The following UNC80 variants were observed in gnomAD, a reference collection of about 807,000 sequenced individuals.
UNC80 encodes unc-80 subunit of NALCN channel complex.
UNC80 carries 164 observed loss-of-function variants against 384.6 expected under a neutral mutation model. The observed-to-expected ratio is 0.43, with a 90% CI of 0.38 to 0.49. The LOEUF (loss-of-function observed/expected upper bound fraction) is 0.49, where lower values mean the gene tolerates loss of function less well. Ranked by LOEUF, UNC80 falls within the 20% of genes least tolerant of loss-of-function variation. The probability of loss-of-function intolerance (pLI) is 0.00; values close to 1 mark genes in which losing one functional copy is unlikely to be tolerated. For missense variants in UNC80, 3,330 were observed against 4,143.0 expected (o/e 0.80, Z 5.39); for synonymous variants, 1,486 against 1,527.8 (o/e 0.97, Z 0.64).
At chr2:209,972,136 TA>T in intron 54 of UNC80, 64 bp from the exon 55 acceptor site, 3 of 1,525,168 alleles carry the variant, frequency 2.0e-6, no homozygotes, top group Non-Finnish European at 2.6e-6. Flanking sequence ...TCATACTGTG[TA>T]AAAACAAACA....
chr2:209,959,851 A>T, intron 51 of UNC80, 144 bp downstream of exon 51: 1 of 730,572 alleles, frequency 1.4e-6, no homozygotes, highest in Non-Finnish European at 2.2e-6. Flanking sequence ...GGTACACATC[A>T]TACAGAACCC....
intron 15 of UNC80, among the ~76,000 whole-genome samples, 152 bp downstream of exon 15, chr2:209,829,531 A>G (rs1386374139): frequency 6.6e-6 from 1 of 152,088 alleles, no homozygotes; most frequent in Non-Finnish European, 1.5e-5. Context: ...TAGAGTATAA[A>G]CAAGAAAAGC....
intron 61 of UNC80, among the ~76,000 whole-genome samples, chr2:209,989,810 C>T (rs987358988): frequency 6.6e-6 from 1 of 152,132 alleles, no homozygotes; most frequent in African/African-American, 2.4e-5. Flanking sequence ...TTGATATAGA[C>T]CCCAGAAAAA....
chr2:209,939,782 T>A, intron 43 of UNC80, 130 bp downstream of exon 43: 2 of 776,552 alleles, frequency 2.6e-6, no homozygotes, highest in East Asian at 2.9e-5. Flanking sequence ...TTGTTACATA[T>A]GTATACATGT....
intron 48 of UNC80, among the ~76,000 whole-genome samples, chr2:209,955,736 T>C (rs867521500): frequency 0.15 from 8,836 of 60,380 alleles, 682 homozygotes; most frequent in Non-Finnish European, 0.19. Context: ...TATATATATA[T>C]ATACACACAC....
At chr2:209,789,819 C>G (rs113496285) in intron 6 of UNC80, among the ~76,000 whole-genome samples, 70 of 151,816 alleles carry the variant, frequency 4.6e-4, no homozygotes, top group African/African-American at 1.6e-3. Flanking sequence ...GGAAATAAGA[C>G]CATATACGAC....
chr2:209,806,515 A>G (rs1441678880), intron 7 of UNC80, among the ~76,000 whole-genome samples: 1 of 152,248 alleles, frequency 6.6e-6, no homozygotes, highest in Non-Finnish European at 1.5e-5. Context: ...GGAAAAATGA[A>G]TGAGGTTTTC....
At position 209,984,788 on chromosome 2, in the gene UNC80, T is replaced by G. The variant is rs570469904; in HGVS notation, c.9258-68T>G. 5.4e-4 allele frequency: 779 copies of G among 1,448,596 alleles called. 11 individuals carry two copies. In the South Asian group the frequency reaches 9.4e-3, roughly 18 times the overall value. The allele number at this position is 1,448,596 out of a possible 1,614,324, so 89.7% of individuals were successfully genotyped here. On this transcript the variant is annotated intron_variant, in intron 60 of 64. Transcript: ENST00000673920. Reference sequence around the variant, plus strand: ...CTTGGAAGCAGAAAATTGCATGCCTTTTTTCTTTTTTCTTTTTTTTTTTCA... The same window carrying G: ...CTTGGAAGCAGAAAATTGCATGCCTGTTTTCTTTTTTCTTTTTTTTTTTCA...
Position 209,937,609 on chromosome 2 carries a change from A to T in UNC80, c.6444A>T (p.Gly2148=), listed in dbSNP as rs2091337986. 1.3e-6 allele frequency: 2 copies of T among 1,551,728 alleles called. No individual in the cohort carries two copies. Among genetic ancestry groups the T allele is most frequent in the Non-Finnish European group, 1.7e-6 (2 of 1,146,698 alleles). The change falls in exon 42 of 65, where the codon GGA becomes GGT. Residue 2148 remains glycine, a synonymous_variant. Coordinates refer to ENST00000673920, the MANE Select transcript of UNC80 (RefSeq NM_001371986.1). ...LNLVHMHPEK[G]QELIQKQVFT... ...TTGTACATATGCATCCAGAGAAGGG[A>T]CAGGAGCTCATTCAGAAACAGGTGA...
chr2:209,841,350 T>G (rs1385891826), intron 20 of UNC80, among the ~76,000 whole-genome samples: 4 of 152,072 alleles, frequency 2.6e-5, no homozygotes, highest in Non-Finnish European at 5.9e-5. Flanking sequence ...GTTGTTGTTG[T>G]TGTTGTTTTT....
chr2:209,969,653 T>C, intron 52 of UNC80, 115 bp from the exon 53 acceptor site: 1 of 1,406,704 alleles, frequency 7.1e-7, no homozygotes, highest in Non-Finnish European at 9.5e-7. Context: ...ATGGGTAAAC[T>C]TCATCCCAGA....
chr2:209,788,331 C>T (rs2077578020), intron 5 of UNC80, among the ~76,000 whole-genome samples: 3 of 151,252 alleles, frequency 2.0e-5, no homozygotes, highest in South Asian at 4.2e-4. Context: ...GCAAGAGAAT[C>T]GCTTGAACCT....
At position 209,941,548 on chromosome 2, in the gene UNC80, C is replaced by T. The variant is rs570927178; in HGVS notation, c.6915+59C>T. 8.4e-5 allele frequency: 120 copies of T among 1,422,304 alleles called. 1 individual carries two copies. In the South Asian group the frequency reaches 1.7e-3, roughly 20 times the overall value. The allele number at this position is 1,422,304 out of a possible 1,614,324, so 88.1% of individuals were successfully genotyped here. ...AACATGAGTACTGCTCATATCTAGC[C>T]GTTCAACTAGATCTATACTGAAACT... On this transcript the variant is annotated intron_variant, in intron 44 of 64. Coordinates refer to ENST00000673920, the MANE Select transcript of UNC80 (RefSeq NM_001371986.1).
At chr2:209,969,284 T>C (rs531933568) in intron 52 of UNC80, 1 of 153,884 alleles carries the variant, frequency 6.5e-6, no homozygotes, top group Non-Finnish European at 1.4e-5. Flanking sequence ...AGAAAGAACA[T>C]TGTTTAAATA....
At chr2:209,979,787 A>G (rs1490361575) in intron 59 of UNC80, among the ~76,000 whole-genome samples, 1 of 152,242 alleles carries the variant, frequency 6.6e-6, no homozygotes, top group Non-Finnish European at 1.5e-5. Context: ...TGTCAATGCC[A>G]TATGAATGAG....
At chr2:209,926,469 A>G (rs2090443387) in intron 35 of UNC80, among the ~76,000 whole-genome samples, 1 of 152,216 alleles carries the variant, frequency 6.6e-6, no homozygotes, top group East Asian at 1.9e-4. Context: ...GAACTGAGAA[A>G]TGTTGCATTA....
chr2:209,774,147 G>A (rs1356900776), intron 2 of UNC80, among the ~76,000 whole-genome samples: 2 of 152,070 alleles, frequency 1.3e-5, no homozygotes, highest in East Asian at 3.9e-4. Flanking sequence ...GATGTGTTAG[G>A]GCAAAAAATT....
At chr2:209,821,632 T>C (rs1250854040) in intron 13 of UNC80, among the ~76,000 whole-genome samples, 1 of 152,208 alleles carries the variant, frequency 6.6e-6, no homozygotes, top group Non-Finnish European at 1.5e-5. Flanking sequence ...TTAGTCTTTC[T>C]ATTATTAATT....
In UNC80 at chr2:209,917,771, C is replaced by G; in HGVS notation, c.5030-6C>G. On this transcript the variant is annotated splice_polypyrimidine_tract_variant and splice_region_variant and intron_variant, in intron 31 of 64. Transcript: ENST00000673920. ...GCATAGCTGATGAATTGTTGACTGT[C>G]TCTAGCTGCCATGTTCCTGCTGTGT... 6.4e-7 allele frequency: 1 copy of G among 1,551,846 alleles called. No homozygotes were observed. Among genetic ancestry groups the G allele is most frequent in the Non-Finnish European group, 8.7e-7 (1 of 1,146,962 alleles).
Sources: gnomAD v4.1 joint callset for allele counts (sites outside exome capture counted in the v4.1 genomes callset) on GRCh38, gnomAD v4.1.1 for gene constraint, MANE v1.5 for transcripts, NCBI Gene and HGNC (gene_info 2026-07-23, HGNC 2026-07-21) for gene names.